The following ACTL6A variants were observed in gnomAD, a reference collection of about 807,000 sequenced individuals.
ACTL6A encodes actin like 6A.
In ACTL6A, 5 loss-of-function variants were observed where a neutral mutation model predicts 59.2. The observed-to-expected ratio is 0.08, with a 90% CI of 0.04 to 0.18. The LOEUF (loss-of-function observed/expected upper bound fraction) is 0.18, where lower values mean the gene tolerates loss of function less well. Among genes scored for constraint, ACTL6A ranks in the 10% least tolerant of loss-of-function variants. The probability of loss-of-function intolerance (pLI) is 1.00; values close to 1 mark genes in which losing one functional copy is unlikely to be tolerated. For missense variants in ACTL6A, 285 were observed against 526.9 expected (o/e 0.54, Z 4.49); for synonymous variants, 154 against 171.8 (o/e 0.90, Z 0.81).
intron 11 of ACTL6A, among the ~76,000 whole-genome samples, chr3:179,582,756 G>A (rs1351357946): frequency 1.3e-5 from 2 of 152,038 alleles, no homozygotes; most frequent in African/African-American, 4.8e-5. Flanking sequence ...TTTGGCTGGT[G>A]GTTGCTATTA....
chr3:179,567,204 A>T (rs2108353833), intron 1 of ACTL6A, among the ~76,000 whole-genome samples: 1 of 152,188 alleles, frequency 6.6e-6, no homozygotes, highest in South Asian at 2.1e-4. Flanking sequence ...CATGTCTACT[A>T]AAAATATAAA....
intron 9 of ACTL6A, 34 bp from the exon 10 acceptor site, chr3:179,580,860 G>C (rs1377550905): frequency 6.6e-7 from 1 of 1,513,564 alleles, no homozygotes; most frequent in Admixed American, 2.3e-5. Flanking sequence ...ATTATTTTTT[G>C]TCTTTTGTGT....
chr3:179,580,065 A>T (rs901991209), intron 8 of ACTL6A, among the ~76,000 whole-genome samples: 1 of 152,180 alleles, frequency 6.6e-6, no homozygotes, highest in Non-Finnish European at 1.5e-5. Context: ...GAGCCACTGC[A>T]TCCAGCTCTG....
chr3:179,586,816 G>A (rs981949789), intron 13 of ACTL6A, 184 bp downstream of exon 13: 5 of 537,402 alleles, frequency 9.3e-6, no homozygotes, highest in Non-Finnish European at 1.6e-5. Context: ...TGCCTAATTA[G>A]TGGACATTTG....
chr3:179,563,010 T>C lies in ACTL6A; in HGVS notation c.-83T>C. On this transcript the variant is annotated 5_prime_UTR_variant, in exon 1 of 14. Coordinates refer to ENST00000429709, the MANE Select transcript of ACTL6A (RefSeq NM_004301.5). The stretch of plus-strand genomic sequence containing the variant: ...TGGAAGTTAAGGGAGTCAGGGGCTA[T>C]CGCTCCTCGAGACTCGCAGTCGCGG... 1 of 1,562,140 alleles carries C rather than the reference T, an allele frequency of 6.4e-7. No individual in the cohort carries two copies. Among genetic ancestry groups the C allele is most frequent in the Non-Finnish European group, 8.7e-7 (1 of 1,152,386 alleles).
At chr3:179,569,924 T>A in intron 2 of ACTL6A, 24 bp downstream of exon 2, 1 of 1,607,484 alleles carries the variant, frequency 6.2e-7, no homozygotes, top group Non-Finnish European at 8.5e-7. Flanking sequence ...TAGAGTTAAT[T>A]GGATATGTAA....
Position 179,562,979 on chromosome 3 carries a change from T to A in ACTL6A, c.-114T>A. 2.2e-6 allele frequency: 3 copies of A among 1,394,958 alleles called. No individual in the cohort carries two copies. The South Asian group carries it at 3.7e-5, about 17-fold the overall frequency. The allele number at this position is 1,394,958 out of a possible 1,614,324, so 86.4% of individuals were successfully genotyped here. On this transcript the variant is annotated 5_prime_UTR_variant, in exon 1 of 14. Coordinates refer to ENST00000429709, the MANE Select transcript of ACTL6A (RefSeq NM_004301.5). Reference sequence around the variant, plus strand: ...ACGCCGCTTTGTTGCCTGAGGTGGGTGGCGGTGGAAGTTAAGGGAGTCAGG... The same window carrying A: ...ACGCCGCTTTGTTGCCTGAGGTGGGAGGCGGTGGAAGTTAAGGGAGTCAGG...
chr3:179,576,810 C>T lies in ACTL6A; in HGVS notation c.679-14C>T. The T allele has an allele frequency of 6.2e-7, 1 of 1,613,696 alleles. No homozygotes were observed. The highest frequency in any genetic ancestry group is 1.3e-5 in the African/African-American group (1 of 75,028). On this transcript the variant is annotated splice_polypyrimidine_tract_variant and intron_variant, in intron 7 of 13. Transcript: ENST00000429709. ...AGTGAACTCCATTAACCTAGCATCT[C>T]TTGGTACTCTCAGGAAGCTGTTCGT... is the stretch of plus-strand genomic sequence containing the variant.
Position 179,574,421 on chromosome 3 carries a change from T to C in ACTL6A, c.430T>C (p.Tyr144His). Residue 144 changes from tyrosine (Y) to histidine (H), a missense_variant, in exon 5 of 14, where the codon TAC (tyrosine) becomes CAC (histidine). By Grantham distance (83) the Tyr-to-His change is moderately conservative (BLOSUM62 2). Transcript: ENST00000429709. Reference sequence around the variant, plus strand: ...ACTGACAGAGTTAATGTTTGAACACTACAACATCCCTGCCTTCTTCCTTTG... The same window carrying C: ...ACTGACAGAGTTAATGTTTGAACACCACAACATCCCTGCCTTCTTCCTTTG... ...EKLTELMFEHYNIPAFFLCKT... is the reference protein window; with the variant it reads ...EKLTELMFEHHNIPAFFLCKT... 2 of 1,613,576 alleles carry C rather than the reference T, an allele frequency of 1.2e-6. No individual in the cohort carries two copies. The highest frequency in any genetic ancestry group is 1.7e-4 in the Middle Eastern group (1 of 6,052).
In ACTL6A at chr3:179,570,847, G is replaced by C. The variant is rs1717983197; in HGVS notation, c.277+606G>C. ...ACCATCCCAGGGTTGTATTAAGCTA[G>C]TGACTGAAGGATAACCCCAAAGGAA... On this transcript the variant is annotated intron_variant, in intron 3 of 13. Transcript: ENST00000429709. The surrounding 1 kb of genome is among the most constrained non-coding windows in gnomAD (Gnocchi z 4.3). Among the ~76,000 whole-genome samples, 1 of 152,198 alleles carries C rather than the reference G, an allele frequency of 6.6e-6. No individual in the cohort carries two copies.
chr3:179,563,237 CCTCCCCGCCCCGTCCCCGCCCCACGCT>C, intron 1 of ACTL6A, 120 bp downstream of exon 1: 1 of 1,442,630 alleles, frequency 6.9e-7, no homozygotes, highest in East Asian at 2.5e-5. Flanking sequence ...GGGACCCCGG[CCTCCCCGCCCCGTCCCCGCCCCACGCT>C]CTGCCCGCCC....
Position 179,570,139 on chromosome 3 carries a change from G to A in ACTL6A, c.175G>A (p.Asp59Asn), listed in dbSNP as rs776228730. The A allele has an allele frequency of 6.8e-6, 11 of 1,614,104 alleles. No individual in the cohort carries two copies. The highest frequency in any genetic ancestry group is 1.1e-5 in the South Asian group (1 of 91,076). Residue 59 changes from aspartate to asparagine, a missense_variant, in exon 3 of 14, where the codon GAT becomes AAT. Physicochemically the swap from Asp to Asn is conservative, Grantham distance 23. Coordinates refer to ENST00000429709, the MANE Select transcript of ACTL6A (RefSeq NM_004301.5). This position sits in a 1 kb window ranked among gnomAD's most constrained non-coding sequence, Gnocchi z 4.3. ...AAGCACATTAATGGAAATAGATGGC[G>A]ATAAAGGCAAACAAGGCGGTCCCAC... ...DGSTLMEIDG[D>N]KGKQGGPTYY...
chr3:179,579,257 A>C (rs1192612445), intron 8 of ACTL6A, among the ~76,000 whole-genome samples: 1 of 151,960 alleles, frequency 6.6e-6, no homozygotes, highest in African/African-American at 2.4e-5. Flanking sequence ...TCCTTATAGA[A>C]GCTAGGTATT....
Position 179,576,320 on chromosome 3 carries a change from A to G in ACTL6A, c.571+9A>G, listed in dbSNP as rs767027212. 22 of 1,578,240 alleles carry G rather than the reference A, an allele frequency of 1.4e-5. No homozygotes were observed. Among genetic ancestry groups the G allele is most frequent in the Non-Finnish European group, 1.9e-5 (22 of 1,163,956 alleles). ...CTATGTCCTTCAACAAGGTAAATGT[A>G]TTTAACCAGGATACACTGAGATGAT... On this transcript the variant is annotated intron_variant, in intron 6 of 13. Coordinates refer to ENST00000429709, the MANE Select transcript of ACTL6A (RefSeq NM_004301.5).
chr3:179,585,087 TGA>T (rs1718445337), intron 12 of ACTL6A, among the ~76,000 whole-genome samples: 2 of 152,146 alleles, frequency 1.3e-5, no homozygotes, highest in South Asian at 2.1e-4. Context: ...ATTGATTGAT[TGA>T]TTGGAGATTT....
chr3:179,588,019 TC>T lies in ACTL6A; in HGVS notation c.*12del. The T allele has an allele frequency of 1.3e-6, 2 of 1,588,436 alleles. No homozygotes were observed. Among genetic ancestry groups the T allele is most frequent in the Non-Finnish European group, 1.7e-6 (2 of 1,170,640 alleles). ...AAAGAAAATGCCCTTGAGAAAGAGT[TC>T]CCAAGCTTCTACCTTCCTTTTGTCA... On this transcript the variant is annotated 3_prime_UTR_variant, in exon 14 of 14. Coordinates refer to ENST00000429709, the MANE Select transcript of ACTL6A (RefSeq NM_004301.5).
chr3:179,573,110 T>C (rs1718062669), intron 3 of ACTL6A: 1 of 284,556 alleles, frequency 3.5e-6, no homozygotes, highest in Admixed American at 5.2e-5. Context: ...TGAATAACAT[T>C]TACTTCATAT....
Position 179,575,813 on chromosome 3 carries a change from A to G in ACTL6A, c.477-404A>G, listed in dbSNP as rs534139139. Among the ~76,000 whole-genome samples, 14 of 152,354 alleles carry G rather than the reference A, an allele frequency of 9.2e-5. No homozygotes were observed. In the East Asian group the frequency reaches 2.7e-3, roughly 29 times the overall value. On this transcript the variant is annotated intron_variant, in intron 5 of 13. Transcript: ENST00000429709. ...TTTTCAATGCTATGTGAGAATGGTT[A>G]TAGTCCCTAGCTCAATTATCACAAC...
chr3:179,578,783 C>T (rs1718246021), intron 8 of ACTL6A, among the ~76,000 whole-genome samples: 1 of 152,120 alleles, frequency 6.6e-6, no homozygotes, highest in Admixed American at 6.6e-5. Context: ...TTAATTTTTT[C>T]AAGACAGAGT....
Sources: gnomAD v4.1 joint callset for allele counts (sites outside exome capture counted in the v4.1 genomes callset) on GRCh38, gnomAD v4.1.1 for gene constraint, Gnocchi (gnomAD v3.1) non-coding constraint, MANE v1.5 for transcripts, NCBI Gene and HGNC (gene_info 2026-07-23, HGNC 2026-07-21) for gene names.